Variants in TMEM132B observed in about 807,000 individuals in gnomAD.
TMEM132B encodes the protein transmembrane protein 132B.
Under a neutral mutation model 90.8 loss-of-function variants are expected in TMEM132B, and 18 were observed. The ratio of observed to expected loss-of-function variants is 0.20; its 90% CI spans 0.14 to 0.29. The LOEUF (loss-of-function observed/expected upper bound fraction) is 0.29, where lower values mean the gene tolerates loss of function less well. Ranked by LOEUF, TMEM132B falls within the 10% of genes least tolerant of loss-of-function variation. TMEM132B has a pLI of 1.00. For synonymous variants in TMEM132B, 504 were observed against 523.3 expected (o/e 0.96, Z 0.50); for missense variants, 1,096 against 1,326.8 (o/e 0.83, Z 2.70).
intron 3 of TMEM132B, among the ~76,000 whole-genome samples, chr12:125,494,502 GCC>G: frequency 8.1e-6 from 1 of 123,524 alleles, no homozygotes; most frequent in African/African-American, 3.2e-5. Flanking sequence ...CCTGGAAATG[GCC>G]ATGTCCCTGC....
intron 1 of TMEM132B, among the ~76,000 whole-genome samples, chr12:125,285,934 G>A (rs576455461): frequency 5.3e-5 from 8 of 152,290 alleles, no homozygotes; most frequent in African/African-American, 1.4e-4. Flanking sequence ...TGCTTTCTGC[G>A]CCTAGACACC....
intron 1 of TMEM132B, among the ~76,000 whole-genome samples, chr12:125,294,898 C>A (rs1212656807): frequency 6.6e-6 from 1 of 151,948 alleles, no homozygotes; most frequent in Non-Finnish European, 1.5e-5. Context: ...AGAAAAAATG[C>A]AGAATGAAAG....
intron 1 of TMEM132B, among the ~76,000 whole-genome samples, chr12:125,333,361 C>T (rs1213654756): frequency 6.6e-6 from 1 of 152,194 alleles, no homozygotes; most frequent in Non-Finnish European, 1.5e-5. Flanking sequence ...AGTAAGGTGA[C>T]ATTTACAGGT....
At chr12:125,430,538 G>C (rs563385056) in intron 3 of TMEM132B, among the ~76,000 whole-genome samples, 81 of 152,286 alleles carry the variant, frequency 5.3e-4, no homozygotes, top group Middle Eastern at 3.4e-3. Context: ...ATCTGCAAAG[G>C]CTCCCAGGGA....
At position 125,390,811 on chromosome 12, in the gene TMEM132B, C is replaced by G. The variant is rs1004851508; in HGVS notation, c.960-24720C>G. On this transcript the variant is annotated intron_variant, in intron 2 of 8. Coordinates refer to ENST00000682704, the MANE Select transcript of TMEM132B (RefSeq NM_001366854.1). The stretch of plus-strand genomic sequence containing the variant: ...TGCAGCCCCCATACCATGACTGAAA[C>G]CTCGAGAGAGAGAGAACCACCTGAG... Among the ~76,000 whole-genome samples the G allele has an allele frequency of 5.7e-5, 5 of 88,112 alleles. No homozygotes were observed. The Admixed American group carries it at 6.3e-4, about 11-fold the overall frequency. 57.8% of individuals were successfully genotyped at this position (88,112 alleles called of 152,430 possible). A position where few individuals can be genotyped will look rare whatever the true frequency, so the allele number is the denominator to read the frequency against.
chr12:125,645,601 A>C (rs1475741204), intron 6 of TMEM132B, among the ~76,000 whole-genome samples: 1 of 152,214 alleles, frequency 6.6e-6, no homozygotes, highest in East Asian at 1.9e-4. Flanking sequence ...TAGGAACAGA[A>C]TTCTGTCAAC....
chr12:125,437,816 G>A (rs1454697264), intron 3 of TMEM132B, among the ~76,000 whole-genome samples: 2 of 152,304 alleles, frequency 1.3e-5, no homozygotes, highest in East Asian at 3.9e-4. Context: ...AGGGCTAAGG[G>A]GGAGTGGCTG....
intron 2 of TMEM132B, among the ~76,000 whole-genome samples, chr12:125,361,439 T>TA (rs58019326): frequency 0.012 from 1,871 of 152,164 alleles, 43 homozygotes; most frequent in African/African-American, 0.042. Context: ...TTTTTACATT[T>TA]AAAAAAACAG....
chr12:125,528,186 G>A (rs1471348576), intron 4 of TMEM132B, among the ~76,000 whole-genome samples: 3 of 151,256 alleles, frequency 2.0e-5, no homozygotes, highest in African/African-American at 7.3e-5. Context: ...TCCTTCAATG[G>A]TGTCCCTTCT....
At chr12:125,326,383 C>T (rs1876564380) in intron 1 of TMEM132B, among the ~76,000 whole-genome samples, 1 of 152,184 alleles carries the variant, frequency 6.6e-6, no homozygotes, top group African/African-American at 2.4e-5. Context: ...GGACAAGCCC[C>T]GTCAGTATTC....
intron 1 of TMEM132B, among the ~76,000 whole-genome samples, chr12:125,270,672 A>G (rs985782886): frequency 6.6e-6 from 1 of 150,750 alleles, no homozygotes; most frequent in African/African-American, 2.4e-5. Context: ...GGATGAGGGG[A>G]GTATTTACTC....
intron 4 of TMEM132B, among the ~76,000 whole-genome samples, chr12:125,560,782 G>A (rs1256029229): frequency 1.6e-5 from 2 of 122,114 alleles, no homozygotes; most frequent in Non-Finnish European, 3.2e-5. Context: ...CCAAGATTGC[G>A]CCACTGCAGT....
At position 125,412,637 on chromosome 12, in the gene TMEM132B, G is replaced by T. The variant is rs182394583; in HGVS notation, c.960-2894G>T. The stretch of plus-strand genomic sequence containing the variant: ...CGGTGACAGGCCTGGCCACACGGCT[G>T]CTTGGTGAAAGAACTCTGTGGGAGA... On this transcript the variant is annotated intron_variant, in intron 2 of 8. Transcript: ENST00000682704. Among the ~76,000 whole-genome samples, 539 of 152,280 alleles carry T rather than the reference G, an allele frequency of 3.5e-3. 1 individual carries two copies. The highest frequency in any genetic ancestry group is 5.6e-3 in the Non-Finnish European group (382 of 68,022).
At chr12:125,345,864 G>A (rs140697686) in intron 1 of TMEM132B, among the ~76,000 whole-genome samples, 120 of 152,248 alleles carry the variant, frequency 7.9e-4, no homozygotes, top group African/African-American at 2.7e-3. Flanking sequence ...CGTTCAGAAC[G>A]CGGGCCACAC....
intron 3 of TMEM132B, among the ~76,000 whole-genome samples, chr12:125,429,028 T>C (rs1184428568): frequency 1.3e-5 from 2 of 152,154 alleles, no homozygotes; most frequent in Admixed American, 6.5e-5. Context: ...TACAGAAAAA[T>C]TGGGCATATA....
At chr12:125,573,813 T>C (rs1385552059) in intron 4 of TMEM132B, among the ~76,000 whole-genome samples, 1 of 152,214 alleles carries the variant, frequency 6.6e-6, no homozygotes, top group Non-Finnish European at 1.5e-5. Flanking sequence ...GACAGTAAAA[T>C]ACAATCAAAC....
chr12:125,248,928 T>A (rs1874260446), intron 1 of TMEM132B, among the ~76,000 whole-genome samples: 1 of 152,170 alleles, frequency 6.6e-6, no homozygotes, highest in Non-Finnish European at 1.5e-5. Flanking sequence ...CTGTGACACC[T>A]TCCTCTTATT....
intron 2 of TMEM132B, among the ~76,000 whole-genome samples, chr12:125,405,593 C>A (rs1342194992): frequency 6.6e-6 from 1 of 152,106 alleles, no homozygotes; most frequent in African/African-American, 2.4e-5. Context: ...GGTGTGAATA[C>A]CTGTGCTGTG....
intron 3 of TMEM132B, among the ~76,000 whole-genome samples, chr12:125,481,965 C>T (rs112025096): frequency 7.9e-5 from 12 of 152,030 alleles, no homozygotes; most frequent in Non-Finnish European, 1.6e-4. Flanking sequence ...TACAACCATC[C>T]GATCTTTGAC....
Sources: allele counts gnomAD v4.1 joint callset (sites outside exome capture counted in the v4.1 genomes callset), GRCh38; gene constraint gnomAD v4.1.1; transcripts MANE v1.5; gene names NCBI Gene and HGNC (gene_info 2026-07-23, HGNC 2026-07-21).